MROH1: variants seen among roughly 807,000 people sequenced by gnomAD.
MROH1 encodes maestro heat-like repeat-containing protein family member 1.
MROH1 carries 117 observed loss-of-function variants against 116.5 expected under a neutral mutation model. The ratio of observed to expected loss-of-function variants is 1.00; its 90% confidence interval spans 0.86 to 1.17. The LOEUF (loss-of-function observed/expected upper bound fraction) is 1.17, where lower values mean the gene tolerates loss of function less well. MROH1 is among the 50% of genes most tolerant of loss of function. The pLI, the probability that MROH1 is intolerant of heterozygous loss-of-function variation, is 0.00. For missense variants in MROH1, 1,873 were observed against 1,338.5 expected (o/e 1.40, Z -6.23); for synonymous variants, 921 against 583.9 (o/e 1.58, Z -8.32).
Position 144,243,511 on chromosome 8 carries a change from G to A in MROH1, c.2370G>A (p.Leu790=). The A allele has an allele frequency of 1.3e-6, 1 of 779,970 alleles. No individual in the cohort carries two copies. The highest frequency in any genetic ancestry group is 2.4e-6 in the Non-Finnish European group (1 of 417,820). The allele number at this position is 779,970 out of a possible 1,614,324, so 48.3% of individuals were successfully genotyped here. ...KVETKDPALK[L]CLVQSVCMVS... ...CCCTGCAGGACCCAGCCCTGAAGCT[G>A]TGCCTTGTCCAGAGTGTGTGCATGG... Residue 790 remains leucine, a synonymous_variant, in exon 25 of 44, where the codon CTG becomes CTA. Transcript: ENST00000326134.
At chr8:144,203,358 G>A (rs929028643) in intron 12 of MROH1, among the ~76,000 whole-genome samples, 1 of 144,662 alleles carries the variant, frequency 6.9e-6, no homozygotes, top group Admixed American at 6.8e-5. Context: ...GTGGAGGGGC[G>A]GGGAGGGGAG....
intron 9 of MROH1, 109 bp from the exon 10 acceptor site, chr8:144,192,200 C>T: frequency 1.1e-6 from 1 of 915,432 alleles, no homozygotes; most frequent in Non-Finnish European, 1.6e-6. Flanking sequence ...GGGCCCATGT[C>T]CTCCTGGCCC....
At chr8:144,153,877 C>T (rs1181710196) in intron 1 of MROH1, among the ~76,000 whole-genome samples, 1 of 151,906 alleles carries the variant, frequency 6.6e-6, no homozygotes, top group Non-Finnish European at 1.5e-5. Context: ...TCTTCTCCCT[C>T]AGCTTCCCGA....
At position 144,180,504 on chromosome 8, in the gene MROH1, G is replaced by T. The variant is rs1464354100; in HGVS notation, c.543G>T (p.Val181=). The change falls in exon 7 of 44, where the codon GTG becomes GTT. Residue 181 remains valine (V), a synonymous_variant. Coordinates refer to ENST00000326134, the MANE Select transcript of MROH1 (RefSeq NM_032450.3). The surrounding 1 kb of genome is among the most constrained non-coding windows in gnomAD (Gnocchi z 7.4). ...PVLGVAKQDT[V]RVAFCSALQR... ...TGGGCGTGGCCAAGCAGGACACGGTGCGCGTGGCCTTCTGCTCCGGTAAGA... is the reference window on the plus strand; with the variant it reads ...TGGGCGTGGCCAAGCAGGACACGGTTCGCGTGGCCTTCTGCTCCGGTAAGA... 1 of 1,611,016 alleles carries T rather than the reference G, an allele frequency of 6.2e-7. No individual in the cohort carries two copies. Among genetic ancestry groups the T allele is most frequent in the African/African-American group, 1.3e-5 (1 of 75,062 alleles).
intron 34 of MROH1, among the ~76,000 whole-genome samples, chr8:144,255,293 T>C (rs1360190513): frequency 6.6e-6 from 1 of 152,250 alleles, no homozygotes; most frequent in Non-Finnish European, 1.5e-5. Flanking sequence ...AGGTCTGTCC[T>C]GTGAAGGCTG....
At position 144,261,668 on chromosome 8, in the gene MROH1, G is replaced by A; in HGVS notation, c.4854G>A (p.Leu1618=). The stretch of plus-strand genomic sequence containing the variant: ...CTCTACCCCCAGCGCTCCAGATCCT[G>A]CTGAAGGACCCGGCCCCCGAGGTGC... The part of the protein sequence containing the change: ...LDQLIAALQI[L]LKDPAPEVRT... The change falls in exon 44 of 44, where the codon CTG becomes CTA. Residue 1618 remains leucine (L), a synonymous_variant. Transcript: ENST00000326134. 2.8e-6 allele frequency: 2 copies of A among 724,012 alleles called. No individual in the cohort carries two copies. Among genetic ancestry groups the A allele is most frequent in the Non-Finnish European group, 5.0e-6 (2 of 397,970 alleles). The allele number at this position is 724,012 out of a possible 1,614,324, so 44.8% of individuals were successfully genotyped here. A position where few individuals can be genotyped will look rare whatever the true frequency, so the allele number is the denominator to read the frequency against.
intron 1 of MROH1, among the ~76,000 whole-genome samples, chr8:144,152,042 A>T (rs1160281076): frequency 6.6e-5 from 10 of 152,212 alleles, no homozygotes; most frequent in African/African-American, 2.4e-4. Flanking sequence ...GGATGTGCAC[A>T]AGCTCCTTTG....
chr8:144,157,534 G>GT (rs1345608061), intron 1 of MROH1, among the ~76,000 whole-genome samples: 1 of 146,218 alleles, frequency 6.8e-6, no homozygotes, highest in Non-Finnish European at 1.5e-5. Context: ...AACCATCTAG[G>GT]TTTTATGGGA....
chr8:144,168,628 G>A (rs901759543), intron 4 of MROH1, among the ~76,000 whole-genome samples, 188 bp downstream of exon 4: 3 of 152,128 alleles, frequency 2.0e-5, no homozygotes, highest in African/African-American at 7.2e-5. Context: ...TCATGAGTGG[G>A]GTATGGCCAC....
rs922254787 is a variant in MROH1, at chr8:144,244,329, G to A, written c.2663G>A (p.Cys888Tyr). The change falls in exon 27 of 44, where the codon TGC (cysteine) becomes TAC (tyrosine). Residue 888 changes from cysteine to tyrosine, a missense_variant. Transcript: ENST00000326134. Reference sequence around the variant, plus strand: ...GAGCCCAAGGAGGAGGACGGAGGCTGCCAGAAGGTATCCCTGTGTTTCCCT... The same window carrying A: ...GAGCCCAAGGAGGAGGACGGAGGCTACCAGAAGGTATCCCTGTGTTTCCCT... ...LPEPKEEDGG[C>Y]QKSLYLETLH... The A allele has an allele frequency of 2.0e-4, 144 of 720,318 alleles. No individual in the cohort carries two copies. The African/African-American group carries it at 2.2e-3, about 11-fold the overall frequency. The allele number at this position is 720,318 out of a possible 1,614,324, so 44.6% of individuals were successfully genotyped here. A position where few individuals can be genotyped will look rare whatever the true frequency, so the allele number is the denominator to read the frequency against.
chr8:144,199,496 G>T (rs1265072757), intron 11 of MROH1, among the ~76,000 whole-genome samples: 2 of 152,154 alleles, frequency 1.3e-5, no homozygotes, highest in Non-Finnish European at 2.9e-5. Context: ...CCGCCTACCT[G>T]TTTCTCCACA....
At chr8:144,259,727 G>A (rs951674399) in intron 37 of MROH1, among the ~76,000 whole-genome samples, 184 bp from the exon 38 acceptor site, 7 of 152,252 alleles carry the variant, frequency 4.6e-5, no homozygotes, top group East Asian at 1.9e-4. Flanking sequence ...CACAGCGGGC[G>A]TCAGAGCAGG....
chr8:144,207,942 A>G (rs990962175), intron 12 of MROH1, among the ~76,000 whole-genome samples: 10 of 141,712 alleles, frequency 7.1e-5, no homozygotes, highest in African/African-American at 2.6e-4. Flanking sequence ...TTTTTTTTTA[A>G]TTACTTTTTT....
chr8:144,240,209 G>A (rs1840732344), intron 19 of MROH1, 56 bp downstream of exon 19: 6 of 709,902 alleles, frequency 8.5e-6, no homozygotes, highest in South Asian at 3.1e-5. Context: ...GGCCTGGGGG[G>A]TGCTGGGGTG....
At position 144,219,662 on chromosome 8, in the gene MROH1, G is replaced by A. The variant is rs528143833; in HGVS notation, c.1142-938G>A. Among the ~76,000 whole-genome samples, 11 of 152,226 alleles carry A rather than the reference G, an allele frequency of 7.2e-5. No individual in the cohort carries two copies. The South Asian group carries it at 2.3e-3, about 32-fold the overall frequency. ...GACGTGACAGGGGAGTTCCCACAAGGGAGTATACCAAACCCTCAGAGAAGG... is the reference window on the plus strand; with the variant it reads ...GACGTGACAGGGGAGTTCCCACAAGAGAGTATACCAAACCCTCAGAGAAGG... On this transcript the variant is annotated intron_variant, in intron 12 of 43. Coordinates refer to ENST00000326134, the MANE Select transcript of MROH1 (RefSeq NM_032450.3).
chr8:144,192,217 T>G, intron 9 of MROH1, 92 bp from the exon 10 acceptor site: 1 of 1,125,760 alleles, frequency 8.9e-7, no homozygotes, highest in African/African-American at 1.5e-5. Context: ...GCCCATGTCT[T>G]CCTGTGGCCC....
At chr8:144,245,852 G>C (rs1158540369) in intron 29 of MROH1, among the ~76,000 whole-genome samples, 1 of 151,628 alleles carries the variant, frequency 6.6e-6, no homozygotes, top group Non-Finnish European at 1.5e-5. Context: ...TGTAGAGATG[G>C]GTCTTGCTAC....
intron 33 of MROH1, chr8:144,254,550 C>A: frequency 2.3e-6 from 1 of 443,482 alleles, no homozygotes; most frequent in East Asian, 4.1e-5. Flanking sequence ...CAGGGACCTC[C>A]CACACCACTG....
At chr8:144,181,806 G>A (rs188111346) in intron 7 of MROH1, among the ~76,000 whole-genome samples, 15 of 152,238 alleles carry the variant, frequency 9.9e-5, no homozygotes, top group African/African-American at 2.4e-4. Flanking sequence ...CCGCTGGGGC[G>A]CCTGTCTCTG....
Sources: gnomAD v4.1 joint callset for allele counts (sites outside exome capture counted in the v4.1 genomes callset) on GRCh38, gnomAD v4.1.1 for gene constraint, Gnocchi (gnomAD v3.1) non-coding constraint, MANE v1.5 for transcripts, NCBI Gene and HGNC (gene_info 2026-07-23, HGNC 2026-07-21) for gene names.